WDR11: variants seen among roughly 807,000 people sequenced by gnomAD.
WDR11 encodes WD repeat-containing protein 11.
A neutral mutation model predicts 151.2 loss-of-function variants in WDR11; 83 were observed. The ratio of observed to expected loss-of-function variants is 0.55; its 90% CI spans 0.46 to 0.66. WDR11 has a LOEUF of 0.66. Ranked by LOEUF, WDR11 falls within the 30% of genes least tolerant of loss-of-function variation. The pLI is 0.00. For synonymous variants in WDR11, 484 were observed against 533.1 expected, an observed-to-expected ratio of 0.91 and a Z score of 1.27; for missense variants, 1,301 against 1,480.9, an observed-to-expected ratio of 0.88 and a Z score of 1.99.
Position 120,865,136 on chromosome 10 carries a change from T to C in WDR11, c.803T>C (p.Ile268Thr). The C allele has an allele frequency of 6.2e-7, 1 of 1,613,928 alleles. No individual in the cohort carries two copies. Among genetic ancestry groups the C allele is most frequent in the Non-Finnish European group, 8.5e-7 (1 of 1,179,872 alleles). ...NHMLLLYPREILILDLEVNQT... is the reference protein window; with the variant it reads ...NHMLLLYPRETLILDLEVNQT... The stretch of plus-strand genomic sequence containing the variant: ...ATGTTGTTGCTCTATCCTCGAGAGA[T>C]TTTAATCCTTGACCTTGAGGTGAAT... Residue 268 changes from isoleucine to threonine, a missense_variant, in exon 6 of 29, where the codon ATT becomes ACT. By Grantham distance (89) the Ile-to-Thr change is moderately conservative (BLOSUM62 -1). Transcript: ENST00000263461.
At chr10:120,897,097 C>T (rs528866790) in intron 19 of WDR11, among the ~76,000 whole-genome samples, 1 of 152,270 alleles carries the variant, frequency 6.6e-6, no homozygotes, top group Non-Finnish European at 1.5e-5. Flanking sequence ...GAGGCTTCTC[C>T]TGTCAAACTG....
intron 19 of WDR11, among the ~76,000 whole-genome samples, chr10:120,898,810 AT>A (rs1847705360): frequency 6.7e-6 from 1 of 149,570 alleles, no homozygotes; most frequent in African/African-American, 2.5e-5. Context: ...TGTTGAGTCA[AT>A]TAAACCTCTT....
At chr10:120,867,019 T>C (rs775135756) in intron 8 of WDR11, 47 bp from the exon 9 acceptor site, 6 of 1,450,698 alleles carry the variant, frequency 4.1e-6, no homozygotes, top group Non-Finnish European at 5.8e-6. Context: ...TAATACGTAA[T>C]GCAGATTTTA....
At chr10:120,872,928 A>G (rs1846599868) in intron 10 of WDR11, among the ~76,000 whole-genome samples, 3 of 152,162 alleles carry the variant, frequency 2.0e-5, no homozygotes, top group Admixed American at 1.3e-4. Context: ...GTTGCTTTGC[A>G]TGAATTCATT....
intron 11 of WDR11, among the ~76,000 whole-genome samples, chr10:120,876,168 C>T (rs528876642): frequency 7.3e-5 from 11 of 151,672 alleles, no homozygotes; most frequent in Non-Finnish European, 1.2e-4. Flanking sequence ...TTAGTAGAGA[C>T]AAGATTTCAC....
intron 3 of WDR11, among the ~76,000 whole-genome samples, chr10:120,859,084 A>G (rs1217451725): frequency 6.6e-6 from 1 of 152,176 alleles, no homozygotes; most frequent in Non-Finnish European, 1.5e-5. Flanking sequence ...ACAATCTTGT[A>G]ATCTAAGCTA....
intron 2 of WDR11, chr10:120,856,197 T>G (rs1216219117): frequency 6.6e-6 from 1 of 152,232 alleles, no homozygotes; most frequent in Non-Finnish European, 1.5e-5. Context: ...TGAGAAAGTA[T>G]TTCACCTTTG....
At position 120,860,301 on chromosome 10, in the gene WDR11, T is replaced by A. The variant is rs750946269; in HGVS notation, c.526+19T>A. Reference sequence around the variant, plus strand: ...TTAACTTGTGAGTAACAGTTGCTTGTGGAAAATGAGTTAAGTGAGATATTT... The same window carrying A: ...TTAACTTGTGAGTAACAGTTGCTTGAGGAAAATGAGTTAAGTGAGATATTT... On this transcript the variant is annotated intron_variant, in intron 4 of 28. Coordinates refer to ENST00000263461, the MANE Select transcript of WDR11 (RefSeq NM_018117.12). 1 of 1,611,390 alleles carries A rather than the reference T, an allele frequency of 6.2e-7. No homozygotes were observed. Among genetic ancestry groups the A allele is most frequent in the Non-Finnish European group, 8.5e-7 (1 of 1,179,704 alleles).
At position 120,890,814 on chromosome 10, in the gene WDR11, T is replaced by A; in HGVS notation, c.2442T>A (p.Asp814Glu). 1 of 1,614,186 alleles carries A rather than the reference T, an allele frequency of 6.2e-7. No individual in the cohort carries two copies. The highest frequency in any genetic ancestry group is 1.3e-5 in the African/African-American group (1 of 75,058). The change falls in exon 19 of 29, where the codon GAT becomes GAA. Residue 814 changes from aspartate to glutamate, a missense_variant. By Grantham distance (45) the Asp-to-Glu change is conservative. Transcript: ENST00000263461. ...CAGATAAAGTGATCTTGGCCTCAGATGATGGGTGCATCAGAGTCCTAGAGA... is the reference window on the plus strand; with the variant it reads ...CAGATAAAGTGATCTTGGCCTCAGAAGATGGGTGCATCAGAGTCCTAGAGA... Reference protein sequence around the residue: ...CTSDKVILASDDGCIRVLEMS... With the variant: ...CTSDKVILASEDGCIRVLEMS...
At chr10:120,880,617 C>T in intron 12 of WDR11, 1 of 503,238 alleles carries the variant, frequency 2.0e-6, no homozygotes, top group Non-Finnish European at 3.6e-6. Context: ...CAAGATTGCG[C>T]CATTGCACTC....
chr10:120,901,013 C>A, intron 20 of WDR11, 23 bp from the exon 21 acceptor site: 1 of 1,531,400 alleles, frequency 6.5e-7, no homozygotes, highest in Non-Finnish European at 9.1e-7. Context: ...ATAATGAACT[C>A]ATTCAAAATT....
chr10:120,892,639 C>A (rs1847466129), intron 19 of WDR11, among the ~76,000 whole-genome samples: 1 of 152,144 alleles, frequency 6.6e-6, no homozygotes, highest in Non-Finnish European at 1.5e-5. Flanking sequence ...TTGGTGTTTC[C>A]TATGTTTTCT....
At position 120,906,367 on chromosome 10, in the gene WDR11, T is replaced by G; in HGVS notation, c.3437+346T>G. 3 of 1,250,742 alleles carry G rather than the reference T, an allele frequency of 2.4e-6. No individual in the cohort carries two copies. In the South Asian group the frequency reaches 5.0e-5, roughly 21 times the overall value. The allele number at this position is 1,250,742 out of a possible 1,614,324, so 77.5% of individuals were successfully genotyped here. ...GGGGGAGAGGCGACAGAAGGCATGG[T>G]GAGGTGGAGACATCCCGTCTGAAAA... On this transcript the variant is annotated intron_variant, in intron 27 of 28. Coordinates refer to ENST00000263461, the MANE Select transcript of WDR11 (RefSeq NM_018117.12).
chr10:120,852,328 T>C, intron 1 of WDR11, 196 bp from the exon 2 acceptor site: 1 of 565,760 alleles, frequency 1.8e-6, no homozygotes, highest in South Asian at 2.1e-5. Context: ...GAATGAAAAG[T>C]GAATTTCAAC....
chr10:120,885,901 G>T lies in WDR11; in HGVS notation c.1936G>T (p.Asp646Tyr), dbSNP rs1847199634. The change falls in exon 15 of 29, where the codon GAC becomes TAC. Residue 646 changes from aspartate to tyrosine, a missense_variant. Around this residue, in one of 3 missense-constraint regions of WDR11, gnomAD observed 20 missense variants for 47.8 expected, o/e 0.42. Coordinates refer to ENST00000263461, the MANE Select transcript of WDR11 (RefSeq NM_018117.12). ...EAMARQTVVS[D>Y]TELSIVESSV... ...CATGGCCCGCCAGACCGTAGTCTCAGACACAGAGCTGAGTATTGTTGAATC... is the reference window on the plus strand; with the variant it reads ...CATGGCCCGCCAGACCGTAGTCTCATACACAGAGCTGAGTATTGTTGAATC... 6.2e-7 allele frequency: 1 copy of T among 1,613,694 alleles called. No homozygotes were observed. Among genetic ancestry groups the T allele is most frequent in the Non-Finnish European group, 8.5e-7 (1 of 1,179,820 alleles).
chr10:120,907,861 C>T (rs1192240761), intron 28 of WDR11: 1 of 148,764 alleles, frequency 6.7e-6, no homozygotes, highest in Non-Finnish European at 1.5e-5. Flanking sequence ...CCAGGCTGGT[C>T]TTGAACTCCT....
chr10:120,876,425 T>A (rs146376942), intron 11 of WDR11, among the ~76,000 whole-genome samples: 214 of 152,316 alleles, frequency 1.4e-3, no homozygotes, highest in South Asian at 4.6e-3. Flanking sequence ...ATACAGCATC[T>A]CCCCAGATAC....
chr10:120,895,457 G>A (rs1439466), intron 19 of WDR11, among the ~76,000 whole-genome samples: 56,538 of 151,792 alleles, frequency 0.37, 10,621 homozygotes, highest in Admixed American at 0.44. Context: ...TTTCCAAGAT[G>A]CAATCCTTCC....
intron 2 of WDR11, chr10:120,856,246 G>T (rs1590052638): frequency 6.6e-6 from 1 of 152,036 alleles, no homozygotes; most frequent in East Asian, 1.9e-4. Context: ...AGAATTCTGG[G>T]TTTATAATTT....
Sources: allele counts gnomAD v4.1 joint callset (sites outside exome capture counted in the v4.1 genomes callset), GRCh38; gene constraint gnomAD v4.1.1; regional missense constraint gnomAD v4.1.1; transcripts MANE v1.5; gene names NCBI Gene and HGNC (gene_info 2026-07-23, HGNC 2026-07-21).